The following NDC80 variants were observed in gnomAD, a reference collection of about 807,000 sequenced individuals.
The protein encoded by NDC80 is kinetochore protein NDC80 homolog.
Under a neutral mutation model 89.3 loss-of-function variants are expected in NDC80, and 69 were observed. The observed-to-expected ratio is 0.77, with a 90% CI of 0.64 to 0.94. The LOEUF is 0.94. Ranked by LOEUF, NDC80 falls within the 40% of genes least tolerant of loss-of-function variation. The pLI, the probability that NDC80 is intolerant of heterozygous loss-of-function variation, is 0.00. For missense variants in NDC80, 593 were observed against 739.6 expected (o/e 0.80, Z 2.30); for synonymous variants, 243 against 255.6 (o/e 0.95, Z 0.47).
intron 3 of NDC80, among the ~76,000 whole-genome samples, chr18:2,575,695 C>T (rs979974134): frequency 1.3e-5 from 2 of 151,886 alleles, no homozygotes; most frequent in Admixed American, 1.3e-4. Context: ...GAGGCCAAGG[C>T]GGGCAGATCA....
At chr18:2,615,489 A>T (rs142254531) in intron 16 of NDC80, among the ~76,000 whole-genome samples, 2 of 152,128 alleles carry the variant, frequency 1.3e-5, no homozygotes, top group Non-Finnish European at 2.9e-5. Flanking sequence ...TCTGACTCTG[A>T]CACTGGTGAT....
intron 12 of NDC80, among the ~76,000 whole-genome samples, chr18:2,599,482 A>T (rs2072673522): frequency 6.6e-6 from 1 of 152,218 alleles, no homozygotes; most frequent in South Asian, 2.1e-4. Context: ...TTTACAAGTT[A>T]TAGTGAAAAG....
At chr18:2,601,980 C>T (rs1197501125) in intron 13 of NDC80, among the ~76,000 whole-genome samples, 1 of 152,076 alleles carries the variant, frequency 6.6e-6, no homozygotes, top group African/African-American at 2.4e-5. Context: ...TCCTTAATAT[C>T]ACCTATATCC....
Position 2,589,898 on chromosome 18 carries a change from T to G in NDC80, c.871-120T>G, listed in dbSNP as rs116295956. ...TAGTTCTTTTGACTTCCTCTAAAAA[T>G]GAAAGGAAAACTCAAATCTACCTTT... On this transcript the variant is annotated intron_variant, in intron 9 of 16. Coordinates refer to ENST00000261597, the MANE Select transcript of NDC80 (RefSeq NM_006101.3). The G allele has an allele frequency of 3.7e-3, 2,489 of 671,590 alleles. 57 individuals are homozygous for G. The African/African-American group carries it at 0.039, about 11-fold the overall frequency. 41.6% of individuals were successfully genotyped at this position (671,590 alleles called of 1,614,324 possible). A position where few individuals can be genotyped will look rare whatever the true frequency, so the allele number is the denominator to read the frequency against.
At chr18:2,608,958 A>T in intron 15 of NDC80, 128 bp downstream of exon 15, 1 of 1,002,158 alleles carries the variant, frequency 1.0e-6, no homozygotes. Flanking sequence ...AAAGAATGGT[A>T]TATAGAACTT....
chr18:2,587,513 A>G (rs1158808054), intron 7 of NDC80, among the ~76,000 whole-genome samples: 1 of 152,160 alleles, frequency 6.6e-6, no homozygotes. Context: ...TTTTATGTTG[A>G]ATTACATTTA....
In NDC80 at chr18:2,611,002, T is replaced by A. The variant is rs2072741266; in HGVS notation, c.1791+141T>A. 4 of 464,140 alleles carry A rather than the reference T, an allele frequency of 8.6e-6. No individual in the cohort carries two copies. The Admixed American group carries it at 1.3e-4, about 15-fold the overall frequency. The allele number at this position is 464,140 out of a possible 1,614,324, so 28.8% of individuals were successfully genotyped here. On this transcript the variant is annotated intron_variant, in intron 16 of 16. Transcript: ENST00000261597. ...CTGGCAAAAATTTATCAGAAGAATC[T>A]TGTCTAGTGATGTGGCAACGTGATG...
intron 2 of NDC80, among the ~76,000 whole-genome samples, chr18:2,574,473 A>G (rs933825097): frequency 6.6e-6 from 1 of 152,208 alleles, no homozygotes; most frequent in Non-Finnish European, 1.5e-5. Context: ...TGTGTACCCC[A>G]TAAGTAGGTA....
At chr18:2,577,371 C>T (rs751834229) in intron 3 of NDC80, 2 of 172,114 alleles carry the variant, frequency 1.2e-5, no homozygotes, top group East Asian at 1.5e-4. Context: ...CCTGCCAACA[C>T]GTCTGGCTAA....
chr18:2,579,064 GA>G, intron 6 of NDC80, 35 bp downstream of exon 6: 2 of 1,317,836 alleles, frequency 1.5e-6, no homozygotes, highest in South Asian at 1.6e-5. Context: ...GTATACATGG[GA>G]AAGGGTTTTT....
chr18:2,607,964 A>ATTAT (rs2072721626), intron 14 of NDC80, among the ~76,000 whole-genome samples: 1 of 39,570 alleles, frequency 2.5e-5, no homozygotes, highest in Non-Finnish European at 4.4e-5. Context: ...ATATATACAT[A>ATTAT]GTATATATAT....
chr18:2,603,647 ATAG>A, intron 13 of NDC80, among the ~76,000 whole-genome samples: 2 of 152,030 alleles, frequency 1.3e-5, no homozygotes, highest in Non-Finnish European at 2.9e-5. Flanking sequence ...AAAATGAGAA[ATAG>A]TTTATAGAGA....
intron 16 of NDC80, among the ~76,000 whole-genome samples, 184 bp downstream of exon 16, chr18:2,611,045 ATTTTTTTTT>A (rs34508122): frequency 8.9e-6 from 1 of 112,538 alleles, no homozygotes; most frequent in Non-Finnish European, 1.7e-5. Context: ...ACACTTGAGC[ATTTTTTTTT>A]TTTTTTTTTT....
chr18:2,573,756 T>C (rs1166617242), intron 2 of NDC80, among the ~76,000 whole-genome samples: 1 of 152,214 alleles, frequency 6.6e-6, no homozygotes, highest in Non-Finnish European at 1.5e-5. Context: ...TTGAAATATT[T>C]ATATATTTTT....
At chr18:2,582,810 G>T (rs1234088505) in intron 6 of NDC80, 3 of 152,142 alleles carry the variant, frequency 2.0e-5, no homozygotes, top group African/African-American at 7.2e-5. Flanking sequence ...CTCCTAAATT[G>T]TTTGTTCATG....
At chr18:2,595,293 TA>T in intron 10 of NDC80, 122 bp from the exon 11 acceptor site, 1 of 234,826 alleles carries the variant, frequency 4.3e-6, no homozygotes. Flanking sequence ...ATAATATATA[TA>T]ATATATATAC....
At chr18:2,581,053 A>G (rs1332703626) in intron 6 of NDC80, among the ~76,000 whole-genome samples, 1 of 151,754 alleles carries the variant, frequency 6.6e-6, no homozygotes, top group East Asian at 1.9e-4. Flanking sequence ...CAAGCCCATT[A>G]TTTAAGTTGG....
chr18:2,600,595 G>A (rs1418016643), intron 12 of NDC80, among the ~76,000 whole-genome samples: 2 of 151,026 alleles, frequency 1.3e-5, no homozygotes, highest in South Asian at 2.1e-4. Flanking sequence ...GCAACAGAGT[G>A]AGATTCCATC....
chr18:2,571,977 A>G (rs2072516612), intron 1 of NDC80, among the ~76,000 whole-genome samples: 1 of 152,190 alleles, frequency 6.6e-6, no homozygotes, highest in Non-Finnish European at 1.5e-5. Flanking sequence ...AAAGAGATGG[A>G]CAAGAGAGGA....
Sources: allele counts gnomAD v4.1 joint callset (sites outside exome capture counted in the v4.1 genomes callset), GRCh38; gene constraint gnomAD v4.1.1; transcripts MANE v1.5; gene names NCBI Gene and HGNC (gene_info 2026-07-23, HGNC 2026-07-21).